The following CAPZA1 variants were observed in gnomAD, a reference collection of about 807,000 sequenced individuals.
The protein encoded by CAPZA1 is F-actin-capping protein subunit alpha-1.
In CAPZA1, 10 loss-of-function variants were observed where a neutral mutation model predicts 40.8. That is an observed-to-expected ratio of 0.25 (90% CI 0.15 to 0.42). CAPZA1 has a LOEUF of 0.42. CAPZA1 is among the 10% of genes least tolerant of loss of function. The pLI, the probability that CAPZA1 is intolerant of heterozygous loss-of-function variation, is 1.00. For synonymous variants in CAPZA1, 98 were observed against 115.0 expected (o/e 0.85, Z 0.95); for missense variants, 277 against 353.8 (o/e 0.78, Z 1.74).
In CAPZA1 at chr1:112,654,691, C is replaced by A; in HGVS notation, c.426+20C>A. ...TGTACTGTTAAGTATCTGACTGCTT[C>A]GTTATCAGAGAGTGTTTTCTTATAT... is the stretch of plus-strand genomic sequence containing the variant. On this transcript the variant is annotated intron_variant, in intron 5 of 9. Transcript: ENST00000263168. 1 of 1,508,386 alleles carries A rather than the reference C, an allele frequency of 6.6e-7. No homozygotes were observed. The highest frequency in any genetic ancestry group is 9.1e-7 in the Non-Finnish European group (1 of 1,103,580). 93.4% of individuals were successfully genotyped at this position (1,508,386 alleles called of 1,614,324 possible). A position where few individuals can be genotyped will look rare whatever the true frequency, so the allele number is the denominator to read the frequency against.
At chr1:112,640,230 G>C (rs1671121008) in intron 1 of CAPZA1, among the ~76,000 whole-genome samples, 5 of 124,496 alleles carry the variant, frequency 4.0e-5, no homozygotes, top group East Asian at 2.7e-4. Context: ...CCGTCCGGGA[G>C]GTGAGGGGCG....
intron 3 of CAPZA1, among the ~76,000 whole-genome samples, chr1:112,653,293 A>G (rs895174033): frequency 5.9e-5 from 9 of 152,192 alleles, no homozygotes; most frequent in Admixed American, 5.2e-4. Context: ...GTGAGACTCT[A>G]TCTCAAAACA....
rs536732497 is a variant in CAPZA1 at position 112,662,770 on chromosome 1, T to G, written c.585+2991T>G. Among the ~76,000 whole-genome samples the G allele has an allele frequency of 5.3e-5, 8 of 152,250 alleles. No individual in the cohort carries two copies. In the East Asian group the frequency reaches 1.5e-3, roughly 29 times the overall value. ...CCCTATATTCCTTTCCATGTCCTAA[T>G]TAAAAAACATAACAGAAGTTCAAAC... On this transcript the variant is annotated intron_variant, in intron 7 of 9. Coordinates refer to ENST00000263168, the MANE Select transcript of CAPZA1 (RefSeq NM_006135.3).
At chr1:112,647,506 T>C (rs1279834012) in intron 2 of CAPZA1, among the ~76,000 whole-genome samples, 1 of 152,234 alleles carries the variant, frequency 6.6e-6, no homozygotes, top group East Asian at 1.9e-4. Context: ...GCCTATCTTA[T>C]GTGAGAAAAG....
At chr1:112,623,895 A>G (rs982679837) in intron 1 of CAPZA1, among the ~76,000 whole-genome samples, 3 of 150,842 alleles carry the variant, frequency 2.0e-5, no homozygotes, top group African/African-American at 7.3e-5. Context: ...AGTCCCAGCT[A>G]ATCGGGAGGC....
At chr1:112,658,146 G>A (rs968015907) in intron 5 of CAPZA1, among the ~76,000 whole-genome samples, 4 of 152,096 alleles carry the variant, frequency 2.6e-5, no homozygotes, top group African/African-American at 9.7e-5. Flanking sequence ...GAAAATACAT[G>A]TAAGAACATA....
Position 112,647,290 on chromosome 1 carries a change from AT to A in CAPZA1, c.103+21del. ...TATTCAATGGTGAGTAAAGATTAGT[AT>A]TTTAATCCCTCCTTAATTACCATTA... On this transcript the variant is annotated intron_variant, in intron 2 of 9. Transcript: ENST00000263168. 1 of 1,345,024 alleles carries A rather than the reference AT, an allele frequency of 7.4e-7. No homozygotes were observed. Among genetic ancestry groups the A allele is most frequent in the Non-Finnish European group, 1.0e-6 (1 of 988,320 alleles). The allele number at this position is 1,345,024 out of a possible 1,614,324, so 83.3% of individuals were successfully genotyped here. A position where few individuals can be genotyped will look rare whatever the true frequency, so the allele number is the denominator to read the frequency against.
chr1:112,651,738 T>A (rs1671390848), intron 3 of CAPZA1, among the ~76,000 whole-genome samples: 1 of 152,150 alleles, frequency 6.6e-6, no homozygotes, highest in Non-Finnish European at 1.5e-5. Context: ...TTTTTATGAA[T>A]AAATTGTATC....
intron 1 of CAPZA1, among the ~76,000 whole-genome samples, chr1:112,638,783 ACATTAGC>A (rs1452418263): frequency 6.6e-6 from 1 of 151,190 alleles, no homozygotes; most frequent in Non-Finnish European, 1.5e-5. Context: ...AAAAATACAA[ACATTAGC>A]CAGGTGTGGT....
intron 1 of CAPZA1, chr1:112,646,940 G>A (rs1194541139): frequency 1.2e-5 from 3 of 259,030 alleles, no homozygotes; most frequent in Non-Finnish European, 2.2e-5. Context: ...TGAATGTAAT[G>A]TATTTGGTCA....
chr1:112,623,830 A>G (rs964150620), intron 1 of CAPZA1, among the ~76,000 whole-genome samples: 1 of 150,998 alleles, frequency 6.6e-6, no homozygotes, highest in African/African-American at 2.4e-5. Context: ...GCAGTGAAAC[A>G]CCGTCTCTAC....
chr1:112,662,012 T>A (rs1297656262), intron 7 of CAPZA1, among the ~76,000 whole-genome samples: 1 of 152,276 alleles, frequency 6.6e-6, no homozygotes, highest in African/African-American at 2.4e-5. Context: ...AGGATTTATG[T>A]TGATGACAAT....
intron 1 of CAPZA1, among the ~76,000 whole-genome samples, chr1:112,627,255 A>G (rs1670826473): frequency 6.6e-6 from 1 of 152,226 alleles, no homozygotes; most frequent in Non-Finnish European, 1.5e-5. Flanking sequence ...AAATAATGAC[A>G]TAGTCCTAAA....
chr1:112,659,534 G>A (rs1414748094), intron 6 of CAPZA1, 167 bp from the exon 7 acceptor site: 2 of 595,808 alleles, frequency 3.4e-6, no homozygotes, highest in African/African-American at 3.7e-5. Context: ...TTACATTTGA[G>A]TAGACAGAGC....
intron 1 of CAPZA1, among the ~76,000 whole-genome samples, chr1:112,641,176 C>T (rs893253146): frequency 1.3e-5 from 2 of 151,424 alleles, no homozygotes; most frequent in Non-Finnish European, 2.9e-5. Flanking sequence ...TCCTATGACC[C>T]TGCCAAATCC....
chr1:112,659,607 C>A, intron 6 of CAPZA1, 94 bp from the exon 7 acceptor site: 5 of 823,144 alleles, frequency 6.1e-6, no homozygotes, highest in East Asian at 2.7e-5. Flanking sequence ...TCTTTTTTTG[C>A]ACCCCTCTTT....
intron 1 of CAPZA1, among the ~76,000 whole-genome samples, chr1:112,622,949 G>A (rs546563127): frequency 2.0e-5 from 3 of 150,408 alleles, no homozygotes; most frequent in East Asian, 3.9e-4. Context: ...GCAGTGGTAC[G>A]ATCTCGGCTC....
At chr1:112,661,051 T>G (rs778009929) in intron 7 of CAPZA1, among the ~76,000 whole-genome samples, 3 of 152,012 alleles carry the variant, frequency 2.0e-5, no homozygotes, top group Non-Finnish European at 4.4e-5. Context: ...AGAGGTGGGA[T>G]TTCACTATGT....
chr1:112,659,507 G>T, intron 6 of CAPZA1, 194 bp from the exon 7 acceptor site: 1 of 578,782 alleles, frequency 1.7e-6, no homozygotes, highest in South Asian at 2.3e-5. Flanking sequence ...TTATGGTCAG[G>T]CCACTTAGAT....
Sources: gnomAD v4.1 joint callset for allele counts (sites outside exome capture counted in the v4.1 genomes callset) on GRCh38, gnomAD v4.1.1 for gene constraint, MANE v1.5 for transcripts, NCBI Gene and HGNC (gene_info 2026-07-23, HGNC 2026-07-21) for gene names.